MBNL2: variants seen among roughly 807,000 people sequenced by gnomAD.
The protein encoded by MBNL2 is muscleblind like splicing regulator 2, also known as muscleblind-like protein 2.
In MBNL2, 17 loss-of-function variants were observed where a neutral mutation model predicts 41.9. The ratio of observed to expected loss-of-function variants is 0.41; its 90% confidence interval spans 0.28 to 0.61. The LOEUF is 0.61. MBNL2 is among the 20% of genes least tolerant of loss of function. The pLI is 0.35. For synonymous variants in MBNL2, 195 were observed against 182.9 expected (o/e 1.07, Z -0.53); for missense variants, 336 against 505.6 (o/e 0.66, Z 3.22).
At chr13:97,365,066 T>G in intron 7 of MBNL2, 70 bp from the exon 8 acceptor site, 1 of 974,262 alleles carries the variant, frequency 1.0e-6, no homozygotes, top group Non-Finnish European at 1.7e-6. Flanking sequence ...ACTTTGAATG[T>G]TAACTCTAAA....
chr13:97,161,287 C>T, the MBNL2 span, among the ~76,000 whole-genome samples: 184 of 152,322 alleles, frequency 1.2e-3, 1 homozygote, highest in African/African-American at 4.0e-3. Context: ...CCCACCACCT[C>T]TACAAGCTTT....
intron 3 of MBNL2, among the ~76,000 whole-genome samples, chr13:97,337,293 G>A (rs947400061): frequency 1.2e-4 from 18 of 152,172 alleles, no homozygotes; most frequent in African/African-American, 4.1e-4. Context: ...AAAACTGTGA[G>A]AAATTCAATT....
At chr13:97,370,108 T>A (rs1594278926) in intron 8 of MBNL2, among the ~76,000 whole-genome samples, 2 of 152,316 alleles carry the variant, frequency 1.3e-5, no homozygotes, top group Admixed American at 1.3e-4. Flanking sequence ...ACTCAATTCT[T>A]AACAATAGTT....
rs997705134 is a variant in MBNL2, at chr13:97,334,887, AGCT to A, written c.339+448_339+450del. On this transcript the variant is annotated intron_variant, in intron 3 of 8. Transcript: ENST00000679496. This position sits in a 1 kb window ranked among gnomAD's most constrained non-coding sequence, Gnocchi z 5.3. The stretch of plus-strand genomic sequence containing the variant: ...TCAATGATTTTCCGCAATGTCATGC[AGCT>A]AATAAATCTTGGAGCTGGGACTTAA... 7.2e-5 allele frequency among the ~76,000 whole-genome samples: 11 copies of A among 152,250 alleles called. No individual in the cohort carries two copies. The highest frequency in any genetic ancestry group is 1.4e-4 in the African/African-American group (6 of 41,476).
chr13:97,318,706 A>T (rs1023419671), intron 2 of MBNL2, among the ~76,000 whole-genome samples: 8 of 152,244 alleles, frequency 5.3e-5, no homozygotes, highest in Admixed American at 4.6e-4. Flanking sequence ...ACAGATGAAG[A>T]ACAGCTGGGG....
intron 2 of MBNL2, among the ~76,000 whole-genome samples, chr13:97,287,521 A>G (rs2054719108): frequency 6.6e-6 from 1 of 152,092 alleles, no homozygotes; most frequent in African/African-American, 2.4e-5. Flanking sequence ...GGGACATTCA[A>G]TATTCCAGCC....
the MBNL2 span, among the ~76,000 whole-genome samples, chr13:97,169,191 A>G: frequency 1.3e-5 from 2 of 152,246 alleles, no homozygotes; most frequent in African/African-American, 4.8e-5. Flanking sequence ...AGATTGCTGA[A>G]TACTCCATAA....
In MBNL2 at chr13:97,237,292, G is replaced by T. The variant is rs536966440; in HGVS notation, c.-605+14761G>T. Reference sequence around the variant, plus strand: ...GACCCTTTGTCAGTGGGAAGGAGCTGATGGCATTGTTAATTTAAGGACCTG... The same window carrying T: ...GACCCTTTGTCAGTGGGAAGGAGCTTATGGCATTGTTAATTTAAGGACCTG... On this transcript the variant is annotated intron_variant, in intron 1 of 8. Coordinates refer to ENST00000679496, the MANE Select transcript of MBNL2 (RefSeq NM_001382683.1). Among the ~76,000 whole-genome samples, 335 of 152,380 alleles carry T rather than the reference G, an allele frequency of 2.2e-3. 6 individuals carry two copies. The highest frequency in any genetic ancestry group is 6.0e-4 in the Non-Finnish European group (41 of 68,036).
At chr13:97,153,799 T>C in the MBNL2 span, among the ~76,000 whole-genome samples, 1 of 152,184 alleles carries the variant, frequency 6.6e-6, no homozygotes, top group Non-Finnish European at 1.5e-5. Flanking sequence ...TACTTGACCA[T>C]GTCTACTTTA....
intron 2 of MBNL2, among the ~76,000 whole-genome samples, chr13:97,329,618 C>A: frequency 6.7e-6 from 1 of 148,548 alleles, no homozygotes; most frequent in African/African-American, 2.5e-5. Context: ...CCACAACACA[C>A]ACACACACTA....
At chr13:97,206,360 A>G in the MBNL2 span, among the ~76,000 whole-genome samples, 1 of 152,008 alleles carries the variant, frequency 6.6e-6, no homozygotes, top group Non-Finnish European at 1.5e-5. Flanking sequence ...TCATATATTA[A>G]GATCTCTCAG....
chr13:97,176,681 G>A, the MBNL2 span, among the ~76,000 whole-genome samples: 1 of 152,202 alleles, frequency 6.6e-6, no homozygotes, highest in Non-Finnish European at 1.5e-5. Flanking sequence ...TCTAAAGAAT[G>A]CAAGTCTCAC....
intron 8 of MBNL2, among the ~76,000 whole-genome samples, chr13:97,374,856 G>GTTTA (rs1451974211): frequency 1.3e-5 from 2 of 152,166 alleles, no homozygotes; most frequent in African/African-American, 4.8e-5. Flanking sequence ...CTATATGGGT[G>GTTTA]TTTATTTCCA....
At chr13:97,184,306 C>T in the MBNL2 span, among the ~76,000 whole-genome samples, 17 of 152,290 alleles carry the variant, frequency 1.1e-4, no homozygotes, top group African/African-American at 3.9e-4. Context: ...AGAATAATCT[C>T]TCTTTTCTTA....
At chr13:97,163,965 A>T in the MBNL2 span, among the ~76,000 whole-genome samples, 1 of 152,178 alleles carries the variant, frequency 6.6e-6, no homozygotes. Flanking sequence ...AGAACTTTCT[A>T]GCACAGTTCC....
rs2062239716 is a variant in MBNL2, at chr13:97,349,610, C to T, written c.804+2543C>T. Among the ~76,000 whole-genome samples the T allele has an allele frequency of 3.3e-5, 5 of 152,170 alleles. No individual in the cohort carries two copies. In the South Asian group the frequency reaches 1.0e-3, roughly 32 times the overall value. ...TGGTGCGATCTTGGCTCACTGGAGC[C>T]TCCGCCTCCCAGGTTCAAGTGATTC... On this transcript the variant is annotated intron_variant, in intron 5 of 8. Coordinates refer to ENST00000679496, the MANE Select transcript of MBNL2 (RefSeq NM_001382683.1).
In MBNL2 at chr13:97,392,659, G is replaced by A. The variant is rs907814018; in HGVS notation, c.*1210G>A. 3 of 152,176 alleles carry A rather than the reference G, an allele frequency of 2.0e-5. No homozygotes were observed. Among genetic ancestry groups the A allele is most frequent in the Non-Finnish European group, 4.4e-5 (3 of 67,880 alleles). The allele number at this position is 152,176 out of a possible 1,614,324, so 9.4% of individuals were successfully genotyped here. A position where few individuals can be genotyped will look rare whatever the true frequency, so the allele number is the denominator to read the frequency against. ...TACTTGGTTGATCTTCAAGGTAATA[G>A]CGATACAATTAAATTTTGTTCAGAA... is the stretch of plus-strand genomic sequence containing the variant. On this transcript the variant is annotated 3_prime_UTR_variant, in exon 9 of 9. Coordinates refer to ENST00000679496, the MANE Select transcript of MBNL2 (RefSeq NM_001382683.1).
intron 7 of MBNL2, 138 bp downstream of exon 7, chr13:97,357,773 T>A: frequency 1.2e-6 from 1 of 846,670 alleles, no homozygotes; most frequent in South Asian, 1.4e-5. Flanking sequence ...CCTAGCTATC[T>A]AAATGTATTT....
chr13:97,261,350 A>G (rs961795622), intron 1 of MBNL2, among the ~76,000 whole-genome samples: 15 of 152,088 alleles, frequency 9.9e-5, no homozygotes, highest in African/African-American at 3.6e-4. Flanking sequence ...AAATTGCAAG[A>G]TCACAGATAA....
Sources: gnomAD v4.1 joint callset for allele counts (sites outside exome capture counted in the v4.1 genomes callset) on GRCh38, gnomAD v4.1.1 for gene constraint, Gnocchi (gnomAD v3.1) non-coding constraint, MANE v1.5 for transcripts, NCBI Gene and HGNC (gene_info 2026-07-23, HGNC 2026-07-21) for gene names.